ZNF26: variants seen among roughly 807,000 people sequenced by gnomAD.
The protein encoded by ZNF26 is zinc finger protein 26.
ZNF26 carries 32 observed loss-of-function variants against 54.9 expected under a neutral mutation model. That is an observed-to-expected ratio of 0.58 (90% CI 0.44 to 0.78). The LOEUF (loss-of-function observed/expected upper bound fraction) is 0.78. ZNF26 is among the 30% of genes least tolerant of loss of function. The pLI is 0.00. For missense variants in ZNF26, 524 were observed against 634.0 expected (o/e 0.83, Z 1.86); for synonymous variants, 221 against 209.2 (o/e 1.06, Z -0.49).
intron 3 of ZNF26, among the ~76,000 whole-genome samples, chr12:133,007,967 T>G (rs911584567): frequency 1.3e-5 from 2 of 152,156 alleles, no homozygotes; most frequent in Non-Finnish European, 2.9e-5. Flanking sequence ...GGCCCTGGTG[T>G]CTCCTATATC....
rs1953606335 is a variant in ZNF26 at position 133,019,159 on chromosome 12, A to C, written c.*7678A>C. On this transcript the variant is annotated 3_prime_UTR_variant, in exon 4 of 4. Coordinates refer to ENST00000328654, the MANE Select transcript of ZNF26 (RefSeq NM_019591.4). The stretch of plus-strand genomic sequence containing the variant: ...AAGTATTTTGTAAAGATAAGTCATC[A>C]AGAAGATGTAACAATTATAAATAGA... The C allele has an allele frequency of 6.6e-6, 1 of 152,244 alleles. No individual in the cohort carries two copies. Among genetic ancestry groups the C allele is most frequent in the African/African-American group, 2.4e-5 (1 of 41,464 alleles). 9.4% of individuals were successfully genotyped at this position (152,244 alleles called of 1,614,324 possible).
chr12:132,990,043 G>A (rs887225313), intron 1 of ZNF26, among the ~76,000 whole-genome samples: 3 of 152,202 alleles, frequency 2.0e-5, no homozygotes, highest in East Asian at 1.9e-4. Flanking sequence ...AATCACTTTG[G>A]GAGGCTGAGG....
chr12:133,014,367 G>C lies in ZNF26; in HGVS notation c.*2886G>C, dbSNP rs1329774516. ...GGTCAAGGATGCAGTGAGCTGCACT[G>C]TACTCCAGTCTGGGCAACAGTGAGA... On this transcript the variant is annotated 3_prime_UTR_variant, in exon 4 of 4. Coordinates refer to ENST00000328654, the MANE Select transcript of ZNF26 (RefSeq NM_019591.4). 6.6e-6 allele frequency: 1 copy of C among 152,560 alleles called. No homozygotes were observed. Among genetic ancestry groups the C allele is most frequent in the Admixed American group, 6.6e-5 (1 of 15,256 alleles). 9.5% of individuals were successfully genotyped at this position (152,560 alleles called of 1,614,324 possible). A position where few individuals can be genotyped will look rare whatever the true frequency, so the allele number is the denominator to read the frequency against.
chr12:133,002,844 G>A (rs1461413819), intron 1 of ZNF26, among the ~76,000 whole-genome samples: 1 of 151,850 alleles, frequency 6.6e-6, no homozygotes. Flanking sequence ...GGCTGGTCTC[G>A]AACTCCTGAC....
At chr12:132,990,599 T>C (rs1476430342) in intron 1 of ZNF26, among the ~76,000 whole-genome samples, 4 of 152,316 alleles carry the variant, frequency 2.6e-5, no homozygotes, top group Admixed American at 2.0e-4. Flanking sequence ...CTGAAAAATA[T>C]TGTAGAGGGA....
chr12:133,006,457 G>A (rs1396286532), intron 1 of ZNF26: 2 of 205,540 alleles, frequency 9.7e-6, no homozygotes, highest in African/African-American at 4.7e-5. Flanking sequence ...ACCTTATTTT[G>A]TTTGCATGTA....
chr12:133,000,447 T>C (rs1228918238), intron 1 of ZNF26, among the ~76,000 whole-genome samples: 1 of 124,646 alleles, frequency 8.0e-6, no homozygotes, highest in East Asian at 2.4e-4. Context: ...TTTTTTGAGA[T>C]GGAATCTCGC....
At position 133,012,912 on chromosome 12, in the gene ZNF26, C is replaced by G. The variant is rs1953514544; in HGVS notation, c.*1431C>G. Reference sequence around the variant, plus strand: ...ATTTCTTATAACCTAAGGGCTTTAACTGATCAGTTGTTGCCTTGGTAGCAT... The same window carrying G: ...ATTTCTTATAACCTAAGGGCTTTAAGTGATCAGTTGTTGCCTTGGTAGCAT... On this transcript the variant is annotated 3_prime_UTR_variant, in exon 4 of 4. Coordinates refer to ENST00000328654, the MANE Select transcript of ZNF26 (RefSeq NM_019591.4). 1 of 152,074 alleles carries G rather than the reference C, an allele frequency of 6.6e-6. No individual in the cohort carries two copies. Among genetic ancestry groups the G allele is most frequent in the Non-Finnish European group, 1.5e-5 (1 of 67,992 alleles). 9.4% of individuals were successfully genotyped at this position (152,074 alleles called of 1,614,324 possible).
At chr12:133,008,719 T>C (rs1953393001) in intron 3 of ZNF26, among the ~76,000 whole-genome samples, 2 of 137,044 alleles carry the variant, frequency 1.5e-5, no homozygotes, top group African/African-American at 5.6e-5. Flanking sequence ...GAGCTTGCAG[T>C]GAGCCGAGAT....
In ZNF26 at chr12:133,009,895, A is replaced by G. The variant is rs376356481; in HGVS notation, c.257-241A>G. Among the ~76,000 whole-genome samples, 1,376 of 152,100 alleles carry G rather than the reference A, an allele frequency of 9.0e-3. 21 individuals are homozygous for G. The highest frequency in any genetic ancestry group is 0.032 in the African/African-American group (1,317 of 41,480). The stretch of plus-strand genomic sequence containing the variant: ...ATCCAAGTGCCAATTTTAAACCTCT[A>G]TTTTAAAAAGTATTTTTGATTACTG... On this transcript the variant is annotated intron_variant, in intron 3 of 3. Transcript: ENST00000328654.
Position 133,024,822 on chromosome 12 carries a change from T to C in ZNF26, c.*13341T>C, listed in dbSNP as rs1442595080. 6.6e-6 allele frequency: 1 copy of C among 152,154 alleles called. No individual in the cohort carries two copies. The highest frequency in any genetic ancestry group is 6.5e-5 in the Admixed American group (1 of 15,270). The allele number at this position is 152,154 out of a possible 1,614,324, so 9.4% of individuals were successfully genotyped here. A position where few individuals can be genotyped will look rare whatever the true frequency, so the allele number is the denominator to read the frequency against. ...AGAGCCCATAGTAGAGAAAGTCTTA[T>C]TAAGAGATTTTTGGGGTGTGGCTTT... On this transcript the variant is annotated 3_prime_UTR_variant, in exon 4 of 4. Coordinates refer to ENST00000328654, the MANE Select transcript of ZNF26 (RefSeq NM_019591.4).
chr12:132,998,855 A>G (rs1953148483), intron 1 of ZNF26, among the ~76,000 whole-genome samples: 1 of 152,230 alleles, frequency 6.6e-6, no homozygotes, highest in African/African-American at 2.4e-5. Flanking sequence ...AACTTATGCA[A>G]ATAACTCTAT....
intron 1 of ZNF26, chr12:133,004,893 C>T (rs1345231841): frequency 2.0e-5 from 3 of 152,262 alleles, no homozygotes; most frequent in East Asian, 3.9e-4. Context: ...TATTTTTTCT[C>T]AGTACTTTAT....
intron 1 of ZNF26, chr12:133,005,806 C>G (rs1953312838): frequency 6.6e-6 from 1 of 152,276 alleles, no homozygotes; most frequent in Admixed American, 6.5e-5. Flanking sequence ...CACCAGATGC[C>G]AGCACCATGC....
At chr12:132,987,282 GC>G (rs1952843188) in intron 1 of ZNF26, among the ~76,000 whole-genome samples, 1 of 152,190 alleles carries the variant, frequency 6.6e-6, no homozygotes, top group Admixed American at 6.5e-5. Flanking sequence ...GCTGGTGCTG[GC>G]AATGCAGAGA....
At chr12:132,989,345 C>A (rs1952897698) in intron 1 of ZNF26, among the ~76,000 whole-genome samples, 1 of 152,108 alleles carries the variant, frequency 6.6e-6, no homozygotes, top group Admixed American at 6.6e-5. Context: ...CTGGTGAATT[C>A]TTTTGGACTT....
Position 132,986,622 on chromosome 12 carries a change from C to T in ZNF26, c.-219C>T. ...ACGGAAAGGCACAAATCCATCCGTG[C>T]GACTCCTGGTACCCAGACCGGGAGG... On this transcript the variant is annotated 5_prime_UTR_variant, in exon 1 of 4. Coordinates refer to ENST00000328654, the MANE Select transcript of ZNF26 (RefSeq NM_019591.4). 1.7e-6 allele frequency: 1 copy of T among 592,092 alleles called. No individual in the cohort carries two copies. Among genetic ancestry groups the T allele is most frequent in the East Asian group, 2.8e-5 (1 of 35,808 alleles). The allele number at this position is 592,092 out of a possible 1,614,324, so 36.7% of individuals were successfully genotyped here. A position where few individuals can be genotyped will look rare whatever the true frequency, so the allele number is the denominator to read the frequency against.
rs1325798746 is a variant in ZNF26 at position 133,024,372 on chromosome 12, A to T, written c.*12891A>T. 6.6e-6 allele frequency: 1 copy of T among 152,198 alleles called. No individual in the cohort carries two copies. Among genetic ancestry groups the T allele is most frequent in the African/African-American group, 2.4e-5 (1 of 41,454 alleles). The allele number at this position is 152,198 out of a possible 1,614,324, so 9.4% of individuals were successfully genotyped here. On this transcript the variant is annotated 3_prime_UTR_variant, in exon 4 of 4. Transcript: ENST00000328654. The stretch of plus-strand genomic sequence containing the variant: ...GACTTTTTTATGTAGTGACAGGTGT[A>T]TCAACACTGTCACCTAATGTAAATG...
At chr12:132,990,898 A>G (rs375061063) in intron 1 of ZNF26, among the ~76,000 whole-genome samples, 16 of 151,862 alleles carry the variant, frequency 1.1e-4, no homozygotes, top group Non-Finnish European at 1.5e-5. Flanking sequence ...TCACTCTGTC[A>G]CCCAGGCTGG....
Sources: gnomAD v4.1 joint callset for allele counts (sites outside exome capture counted in the v4.1 genomes callset) on GRCh38, gnomAD v4.1.1 for gene constraint, MANE v1.5 for transcripts, NCBI Gene and HGNC (gene_info 2026-07-23, HGNC 2026-07-21) for gene names.